DLG2: variants seen among roughly 807,000 people sequenced by gnomAD.
DLG2 encodes disks large homolog 2.
A neutral mutation model predicts 132.5 loss-of-function variants in DLG2; 45 were observed. That is an observed-to-expected ratio of 0.34 (90% confidence interval 0.27 to 0.44). The LOEUF (loss-of-function observed/expected upper bound fraction) is 0.44, where lower values mean the gene tolerates loss of function less well. Ranked by LOEUF, DLG2 falls within the 20% of genes least tolerant of loss-of-function variation. The pLI, the probability that DLG2 is intolerant of heterozygous loss-of-function variation, is 1.00. For synonymous variants in DLG2, 424 were observed against 419.6 expected, an observed-to-expected ratio of 1.01 and a Z score of -0.13; for missense variants, 1,045 against 1,196.9, an observed-to-expected ratio of 0.87 and a Z score of 1.87.
chr11:83,506,335 C>T (rs2094697363), intron 21 of DLG2, among the ~76,000 whole-genome samples: 1 of 152,206 alleles, frequency 6.6e-6, no homozygotes, highest in Non-Finnish European at 1.5e-5. Flanking sequence ...CCTGATCCAA[C>T]TCTATGTTCC....
chr11:83,628,626 A>G (rs2063031068), intron 19 of DLG2, among the ~76,000 whole-genome samples: 1 of 152,172 alleles, frequency 6.6e-6, no homozygotes, highest in Admixed American at 6.5e-5. Flanking sequence ...GACCCATAGA[A>G]AATGTCTGAC....
intron 7 of DLG2, among the ~76,000 whole-genome samples, chr11:84,277,548 A>C (rs1271823085): frequency 6.6e-6 from 1 of 152,204 alleles, no homozygotes; most frequent in African/African-American, 2.4e-5. Flanking sequence ...CAATATATTG[A>C]ATTTGCTGGA....
intron 6 of DLG2, among the ~76,000 whole-genome samples, chr11:84,944,896 C>T (rs967534546): frequency 3.3e-5 from 5 of 152,186 alleles, no homozygotes; most frequent in African/African-American, 1.2e-4. Context: ...AGCCATCGTG[C>T]CCGATCTTGT....
chr11:85,525,345 C>T (rs1045046094), intron 3 of DLG2, among the ~76,000 whole-genome samples: 1 of 152,088 alleles, frequency 6.6e-6, no homozygotes, highest in Admixed American at 6.5e-5. Context: ...TAAAACCTTT[C>T]CCAGTGAGGT....
chr11:83,569,672 C>T (rs1270617541), intron 19 of DLG2, among the ~76,000 whole-genome samples: 1 of 152,154 alleles, frequency 6.6e-6, no homozygotes, highest in Non-Finnish European at 1.5e-5. Flanking sequence ...TTTCTCTTAT[C>T]CTTGTAAGTC....
intron 11 of DLG2, among the ~76,000 whole-genome samples, chr11:83,996,673 G>C (rs1280285117): frequency 6.6e-6 from 1 of 152,092 alleles, no homozygotes; most frequent in Non-Finnish European, 1.5e-5. Flanking sequence ...CAACAATATG[G>C]GTGGAACTGG....
At chr11:84,883,522 TAAAA>T in intron 6 of DLG2, among the ~76,000 whole-genome samples, 1 of 151,840 alleles carries the variant, frequency 6.6e-6, no homozygotes, top group East Asian at 1.9e-4. Flanking sequence ...ACAAAGACAT[TAAAA>T]AAAGAAAATT....
chr11:85,009,220 C>T (rs1352991533), intron 6 of DLG2, among the ~76,000 whole-genome samples: 5 of 151,970 alleles, frequency 3.3e-5, no homozygotes, highest in African/African-American at 1.2e-4. Flanking sequence ...CTCCAGAGAC[C>T]TATTATAACC....
intron 6 of DLG2, among the ~76,000 whole-genome samples, chr11:84,867,848 G>A (rs2154035849): frequency 6.6e-6 from 1 of 152,258 alleles, no homozygotes; most frequent in South Asian, 2.1e-4. Context: ...GCCAAGGCGG[G>A]TGGATCACGA....
intron 6 of DLG2, among the ~76,000 whole-genome samples, chr11:85,075,731 T>G (rs2066450662): frequency 6.6e-6 from 1 of 151,900 alleles, no homozygotes; most frequent in Admixed American, 6.6e-5. Context: ...TATAGGTATG[T>G]GCATACACTC....
chr11:85,161,098 T>C (rs1029699889), intron 4 of DLG2, among the ~76,000 whole-genome samples: 3 of 152,192 alleles, frequency 2.0e-5, no homozygotes, highest in African/African-American at 7.2e-5. Flanking sequence ...GGAAGGGGTA[T>C]GTGGATGGAT....
At chr11:83,646,639 CTG>C (rs2068277923) in intron 18 of DLG2, 1 of 152,270 alleles carries the variant, frequency 6.6e-6, no homozygotes, top group Non-Finnish European at 1.5e-5. Flanking sequence ...GCTCCTAGAA[CTG>C]TGTCTGATGG....
chr11:85,020,173 G>T (rs1459157731), intron 6 of DLG2, among the ~76,000 whole-genome samples: 1 of 152,168 alleles, frequency 6.6e-6, no homozygotes, highest in Non-Finnish European at 1.5e-5. Context: ...ACTGGTGTGA[G>T]ATGGGATCTC....
intron 6 of DLG2, among the ~76,000 whole-genome samples, chr11:84,657,282 A>G (rs953381631): frequency 1.3e-5 from 2 of 152,140 alleles, no homozygotes; most frequent in African/African-American, 4.8e-5. Flanking sequence ...TCAACTAAAA[A>G]TGTGTGAGAT....
chr11:83,841,627 G>A (rs1709171536), intron 16 of DLG2, among the ~76,000 whole-genome samples: 1 of 152,142 alleles, frequency 6.6e-6, no homozygotes, highest in Non-Finnish European at 1.5e-5. Flanking sequence ...GTTGGCATTT[G>A]CTTTTTGTCT....
At chr11:83,629,654 C>A (rs907850918) in intron 19 of DLG2, among the ~76,000 whole-genome samples, 4 of 152,112 alleles carry the variant, frequency 2.6e-5, no homozygotes, top group African/African-American at 9.7e-5. Flanking sequence ...AAGCCTTGTT[C>A]TTTCTTTATT....
intron 3 of DLG2, among the ~76,000 whole-genome samples, chr11:85,459,170 G>A (rs1299708123): frequency 2.0e-5 from 3 of 152,176 alleles, no homozygotes; most frequent in Non-Finnish European, 4.4e-5. Flanking sequence ...CCAATTCAAG[G>A]ACAGCAAGGT....
rs368135890 is a variant in DLG2, at chr11:84,907,634, G to A, written c.357+204027C>T. 2.6e-5 allele frequency among the ~76,000 whole-genome samples: 4 copies of A among 152,130 alleles called. No individual in the cohort carries two copies. The South Asian group carries it at 6.2e-4, about 24-fold the overall frequency. ...TTGCCTGGGATAGGAGGGATCCACC[G>A]AGGAGATTATACTAGTACATAATTT... On this transcript the variant is annotated intron_variant, in intron 6 of 27. Transcript: ENST00000376104.
At chr11:83,568,406 A>G (rs777873052) in intron 19 of DLG2, among the ~76,000 whole-genome samples, 7 of 152,140 alleles carry the variant, frequency 4.6e-5, no homozygotes, top group Non-Finnish European at 8.8e-5. Context: ...GGGCATACAA[A>G]TTAAGAAGTC....
Sources: gnomAD v4.1 joint callset for allele counts (sites outside exome capture counted in the v4.1 genomes callset) on GRCh38, gnomAD v4.1.1 for gene constraint, MANE v1.5 for transcripts, NCBI Gene and HGNC (gene_info 2026-07-23, HGNC 2026-07-21) for gene names.